The following SNX29 variants were observed in gnomAD, a reference collection of about 807,000 sequenced individuals.
SNX29 encodes the protein sorting nexin 29.
In SNX29, 78 loss-of-function variants were observed where a neutral mutation model predicts 102.1. The ratio of observed to expected loss-of-function variants is 0.76; its 90% confidence interval spans 0.64 to 0.92. SNX29 has a LOEUF of 0.92. SNX29 is among the 40% of genes least tolerant of loss of function. The pLI, the probability that SNX29 is intolerant of heterozygous loss-of-function variation, is 0.00. For missense variants in SNX29, 1,280 were observed against 1,061.7 expected (o/e 1.21, Z -2.86); for synonymous variants, 580 against 414.5 (o/e 1.40, Z -4.85).
intron 13 of SNX29, among the ~76,000 whole-genome samples, chr16:12,190,914 C>G (rs1400536123): frequency 6.6e-6 from 1 of 152,178 alleles, no homozygotes; most frequent in African/African-American, 2.4e-5. Flanking sequence ...CCCTGATGAC[C>G]TCAGTGCCAG....
intron 16 of SNX29, chr16:12,376,043 A>AAAAAAAAAAAAAGT: frequency 6.5e-6 from 1 of 152,700 alleles, no homozygotes; most frequent in African/African-American, 2.4e-5. Flanking sequence ...AAAAAAAAAA[A>AAAAAAAAAAAAAGT]AAAAAAAAAA....
At chr16:12,236,832 C>T (rs1450922203) in intron 14 of SNX29, among the ~76,000 whole-genome samples, 1 of 152,222 alleles carries the variant, frequency 6.6e-6, no homozygotes, top group African/African-American at 2.4e-5. Context: ...CTAGTGGATT[C>T]TGAGTTGCTT....
At chr16:12,062,664 T>C (rs2151274348) in intron 9 of SNX29, among the ~76,000 whole-genome samples, 1 of 152,204 alleles carries the variant, frequency 6.6e-6, no homozygotes. Flanking sequence ...CTTAGGCGCC[T>C]CCTCGTTTTC....
chr16:12,030,092 C>T (rs1888130350), intron 4 of SNX29, among the ~76,000 whole-genome samples: 1 of 152,164 alleles, frequency 6.6e-6, no homozygotes, highest in Non-Finnish European at 1.5e-5. Flanking sequence ...CACTGCCTTC[C>T]CTTGCTTTCT....
intron 5 of SNX29, among the ~76,000 whole-genome samples, chr16:12,044,474 A>G (rs866349636): frequency 4.6e-5 from 7 of 152,288 alleles, no homozygotes; most frequent in Middle Eastern, 6.8e-3. Flanking sequence ...GAGGACTGAC[A>G]CTGATGACAC....
intron 14 of SNX29, among the ~76,000 whole-genome samples, chr16:12,230,762 C>T (rs111525217): frequency 7.2e-5 from 11 of 152,206 alleles, no homozygotes; most frequent in African/African-American, 1.9e-4. Context: ...TTGGGCTGCA[C>T]GTTGGAGTTG....
intron 19 of SNX29, among the ~76,000 whole-genome samples, chr16:12,522,887 C>T (rs1351770051): frequency 3.3e-5 from 5 of 152,150 alleles, no homozygotes; most frequent in East Asian, 1.9e-4. Context: ...CATAGTGCAC[C>T]GTGCACTCTA....
intron 20 of SNX29, among the ~76,000 whole-genome samples, chr16:12,534,436 C>T (rs2077015842): frequency 6.6e-6 from 1 of 152,198 alleles, no homozygotes; most frequent in Admixed American, 6.5e-5. Context: ...ACTCGGTTGC[C>T]TGTAGAAAGA....
intron 14 of SNX29, among the ~76,000 whole-genome samples, chr16:12,209,430 T>C (rs1220963308): frequency 2.6e-5 from 4 of 152,238 alleles, no homozygotes; most frequent in Non-Finnish European, 5.9e-5. Flanking sequence ...CCTCAAGTAA[T>C]CTGCCCACCT....
At chr16:12,061,063 C>G (rs902549934) in intron 8 of SNX29, among the ~76,000 whole-genome samples, 1 of 152,202 alleles carries the variant, frequency 6.6e-6, no homozygotes, top group Non-Finnish European at 1.5e-5. Flanking sequence ...CTTCCCCAAG[C>G]CTTTGTCCCT....
chr16:12,343,101 T>C (rs1451301079), intron 15 of SNX29, among the ~76,000 whole-genome samples: 2 of 152,226 alleles, frequency 1.3e-5, no homozygotes, highest in African/African-American at 2.4e-5. Flanking sequence ...GGTTGAAATA[T>C]TCAGGAGGTC....
chr16:12,380,791 ACCCACAC>A (rs2083080915), intron 16 of SNX29, among the ~76,000 whole-genome samples: 1 of 48,646 alleles, frequency 2.1e-5, no homozygotes, highest in Admixed American at 2.3e-4. Context: ...CCACCCATCC[ACCCACAC>A]ACCATCCATC....
intron 13 of SNX29, among the ~76,000 whole-genome samples, chr16:12,151,572 G>T (rs1021497419): frequency 6.6e-6 from 1 of 152,096 alleles, no homozygotes; most frequent in East Asian, 1.9e-4. Flanking sequence ...TGTTCTGCCC[G>T]GGACTCGTAC....
At chr16:12,545,596 C>G (rs1411518145) in intron 20 of SNX29, 2 of 152,208 alleles carry the variant, frequency 1.3e-5, no homozygotes, top group Non-Finnish European at 2.9e-5. Flanking sequence ...CCTCTGGAAT[C>G]CAGAGGTACA....
At chr16:12,066,420 G>A (rs1052968346) in intron 9 of SNX29, among the ~76,000 whole-genome samples, 2 of 152,190 alleles carry the variant, frequency 1.3e-5, no homozygotes, top group Non-Finnish European at 2.9e-5. Context: ...ACAGCCTAGT[G>A]CGACATAAGA....
intron 19 of SNX29, among the ~76,000 whole-genome samples, chr16:12,502,555 GC>G (rs1298646495): frequency 1.3e-5 from 2 of 152,118 alleles, no homozygotes; most frequent in African/African-American, 4.8e-5. Flanking sequence ...CTCATTCCCA[GC>G]CCTGTTTTAC....
chr16:12,560,102 G>A (rs1211542874), intron 20 of SNX29, among the ~76,000 whole-genome samples: 1 of 151,896 alleles, frequency 6.6e-6, no homozygotes, highest in African/African-American at 2.4e-5. Context: ...CACAAAGGAT[G>A]AGTTGACAAG....
chr16:12,009,830 AG>A (rs1302239493), intron 3 of SNX29, among the ~76,000 whole-genome samples: 1 of 152,250 alleles, frequency 6.6e-6, no homozygotes, highest in East Asian at 1.9e-4. Context: ...ATAATGGCCC[AG>A]GAGCTTTGTA....
chr16:12,073,359 C>T (rs2051388997), intron 10 of SNX29, among the ~76,000 whole-genome samples: 3 of 152,098 alleles, frequency 2.0e-5, no homozygotes, highest in Admixed American at 2.0e-4. Flanking sequence ...CCCAGAGATT[C>T]TGGTATGTTG....
Sources: gnomAD v4.1 joint callset for allele counts (sites outside exome capture counted in the v4.1 genomes callset) on GRCh38, gnomAD v4.1.1 for gene constraint, MANE v1.5 for transcripts, NCBI Gene and HGNC (gene_info 2026-07-23, HGNC 2026-07-21) for gene names.